The following DARS2 variants were observed in gnomAD, a reference collection of about 807,000 sequenced individuals.
DARS2 encodes aspartyl-tRNA synthetase 2, mitochondrial, also known as aspartate--tRNA ligase, mitochondrial.
Under a neutral mutation model 83.0 loss-of-function variants are expected in DARS2, and 63 were observed. The observed-to-expected ratio is 0.76, with a 90% CI of 0.62 to 0.94. The LOEUF (loss-of-function observed/expected upper bound fraction) is 0.94. DARS2 is among the 40% of genes least tolerant of loss of function. The pLI is 0.00. For synonymous variants in DARS2, 250 were observed against 269.3 expected (o/e 0.93, Z 0.70); for missense variants, 675 against 774.4 (o/e 0.87, Z 1.52).
At chr1:173,853,955 T>G (rs775478892) in intron 15 of DARS2, 50 bp downstream of exon 15, 5 of 1,511,218 alleles carry the variant, frequency 3.3e-6, no homozygotes, top group Non-Finnish European at 3.7e-6. Flanking sequence ...CCAGAATATT[T>G]TTCAGTTTTG....
Position 173,831,579 on chromosome 1 carries a change from G to A in DARS2, c.441G>A (p.Glu147=). 6.2e-7 allele frequency: 1 copy of A among 1,614,120 alleles called. No individual in the cohort carries two copies. Among genetic ancestry groups the A allele is most frequent in the Non-Finnish European group, 8.5e-7 (1 of 1,180,002 alleles). Residue 147 remains glutamate (E), a synonymous_variant, in exon 5 of 17, where the codon GAG becomes GAA. Transcript: ENST00000649689. ...TTGAAATCAAAGTTAAAACAGCTGA[G>A]CTTCTGAATGCCTGCAAGAAGCTGC... The part of the protein sequence containing the change: ...GEIEIKVKTA[E]LLNACKKLPF...
intron 11 of DARS2, among the ~76,000 whole-genome samples, 164 bp from the exon 12 acceptor site, chr1:173,845,065 G>C (rs1482786708): frequency 6.6e-6 from 1 of 152,000 alleles, no homozygotes; most frequent in Non-Finnish European, 1.5e-5. Context: ...AAAGTGCTGG[G>C]ATTACAGGCA....
chr1:173,825,408 T>C, intron 1 of DARS2, 52 bp downstream of exon 1: 1 of 1,579,268 alleles, frequency 6.3e-7, no homozygotes, highest in Non-Finnish European at 8.7e-7. Flanking sequence ...GCCTGTTATC[T>C]ACGGCCGGAG....
chr1:173,824,941 G>C lies in DARS2; in HGVS notation c.-289G>C, dbSNP rs1652411194. 1 of 368,320 alleles carries C rather than the reference G, an allele frequency of 2.7e-6. No homozygotes were observed. Among genetic ancestry groups the C allele is most frequent in the Non-Finnish European group, 5.3e-6 (1 of 190,272 alleles). The allele number at this position is 368,320 out of a possible 1,614,324, so 22.8% of individuals were successfully genotyped here. ...CGCTACGTGGAGTCGCTCTCTCGTC[G>C]TCACTTTTGGCTGCCGACTTGTTGA... is the stretch of plus-strand genomic sequence containing the variant. On this transcript the variant is annotated 5_prime_UTR_variant, in exon 1 of 17. Coordinates refer to ENST00000649689, the MANE Select transcript of DARS2 (RefSeq NM_018122.5).
intron 5 of DARS2, 57 bp from the exon 6 acceptor site, chr1:173,833,319 T>C: frequency 1.4e-6 from 2 of 1,468,600 alleles, no homozygotes; most frequent in South Asian, 2.7e-5. Flanking sequence ...TTTCTAAAGA[T>C]AATACCTTTC....
intron 1 of DARS2, among the ~76,000 whole-genome samples, 171 bp downstream of exon 1, chr1:173,825,527 G>A (rs1006690683): frequency 2.0e-5 from 3 of 151,136 alleles, no homozygotes; most frequent in African/African-American, 7.3e-5. Context: ...AGAGTGAAGT[G>A]GCGCGATCTC....
In DARS2 at chr1:173,837,014, T is replaced by G. The variant is rs761969653; in HGVS notation, c.738T>G (p.Phe246Leu). The G allele has an allele frequency of 1.1e-5, 18 of 1,613,936 alleles. No homozygotes were observed. In the South Asian group the frequency reaches 1.3e-4, roughly 12 times the overall value. Residue 246 changes from phenylalanine (F) to leucine (L), a missense_variant, in exon 8 of 17, where the codon TTT becomes TTG. Transcript: ENST00000649689. ...FYSLPQSPQQ[F>L]KQLLMVGGLD... ...CTCTCCCTCAGAGTCCTCAACAGTT[T>G]AAGCAACTTCTGATGGTTGGCGGTT...
At chr1:173,840,727 T>C (rs920905189) in intron 10 of DARS2, 139 bp from the exon 11 acceptor site, 4 of 656,238 alleles carry the variant, frequency 6.1e-6, no homozygotes, top group Non-Finnish European at 5.5e-6. Context: ...GCTTAACCCA[T>C]GGTAAACACT....
At chr1:173,841,677 T>G (rs1392975740) in intron 11 of DARS2, among the ~76,000 whole-genome samples, 1 of 152,108 alleles carries the variant, frequency 6.6e-6, no homozygotes, top group Non-Finnish European at 1.5e-5. Flanking sequence ...CTCACACCTG[T>G]AGTCCCAGCT....
At chr1:173,836,597 CTA>C (rs1275132352) in intron 7 of DARS2, among the ~76,000 whole-genome samples, 5 of 151,314 alleles carry the variant, frequency 3.3e-5, no homozygotes, top group African/African-American at 1.2e-4. Context: ...TTTATACAGT[CTA>C]TGAAATTATA....
At chr1:173,826,513 A>G (rs1652574038) in intron 1 of DARS2, among the ~76,000 whole-genome samples, 174 bp from the exon 2 acceptor site, 1 of 152,154 alleles carries the variant, frequency 6.6e-6, no homozygotes, top group African/African-American at 2.4e-5. Context: ...TTGCAGGTAA[A>G]TTTAATAGTG....
chr1:173,828,315 C>CA lies in DARS2; in HGVS notation c.228-18_228-17insA, dbSNP rs1179436056. ...ATTTTATCTTAAAATGTTTCTTTTC[C>CA]CCCCCCCCATTAATCAGGCAAAACA... On this transcript the variant is annotated splice_polypyrimidine_tract_variant and intron_variant, in intron 2 of 16. Transcript: ENST00000649689. 4.1e-6 allele frequency: 4 copies of CA among 981,342 alleles called. No individual in the cohort carries two copies. In the African/African-American group the frequency reaches 4.7e-5, roughly 12 times the overall value. 60.8% of individuals were successfully genotyped at this position (981,342 alleles called of 1,614,324 possible).
At position 173,826,805 on chromosome 1, in the gene DARS2, T is replaced by G. The variant is rs778765559; in HGVS notation, c.227+19T>G. On this transcript the variant is annotated intron_variant, in intron 2 of 16. Coordinates refer to ENST00000649689, the MANE Select transcript of DARS2 (RefSeq NM_018122.5). ...ACCGAAGGTAAATTGAGAAAGACAG[T>G]CTAAGAATGCATGGTGGTGGTTTTC... The G allele has an allele frequency of 1.1e-5, 17 of 1,541,182 alleles. No individual in the cohort carries two copies. The South Asian group carries it at 1.9e-4, about 17-fold the overall frequency.
intron 1 of DARS2, 23 bp downstream of exon 1, chr1:173,825,379 T>G (rs375208410): frequency 1.9e-6 from 3 of 1,609,634 alleles, no homozygotes; most frequent in Admixed American, 1.7e-5. Context: ...AAGAGATCTA[T>G]CCTATGAACA....
chr1:173,857,738 A>C lies in DARS2; in HGVS notation c.*33A>C, dbSNP rs755664477. On this transcript the variant is annotated 3_prime_UTR_variant, in exon 17 of 17. Transcript: ENST00000649689. ...ATACCATGCAGAAAGTTGAGCTTTT[A>C]GGTTTTGTCCTCTTTGCTTCCCCAA... The C allele has an allele frequency of 3.4e-5, 55 of 1,612,984 alleles. No homozygotes were observed. The highest frequency in any genetic ancestry group is 6.8e-6 in the Non-Finnish European group (8 of 1,179,160).
chr1:173,832,455 G>GCC (rs1481551658), intron 5 of DARS2, among the ~76,000 whole-genome samples: 1 of 152,124 alleles, frequency 6.6e-6, no homozygotes, highest in Non-Finnish European at 1.5e-5. Context: ...AAAGAGGGAT[G>GCC]CAGAGATTTG....
intron 9 of DARS2, 31 bp downstream of exon 9, chr1:173,838,290 A>G: frequency 1.3e-6 from 2 of 1,541,130 alleles, no homozygotes; most frequent in Non-Finnish European, 1.8e-6. Context: ...GTTTCTTAAA[A>G]TTCAGGCTTA....
chr1:173,854,932 G>C (rs1479185663), intron 15 of DARS2, among the ~76,000 whole-genome samples: 1 of 152,078 alleles, frequency 6.6e-6, no homozygotes, highest in Non-Finnish European at 1.5e-5. Flanking sequence ...AGAAGGCTTG[G>C]GTAGGTTTCA....
intron 5 of DARS2, among the ~76,000 whole-genome samples, chr1:173,831,954 T>A (rs1386467710): frequency 6.6e-6 from 1 of 152,184 alleles, no homozygotes; most frequent in African/African-American, 2.4e-5. Context: ...GAAATTTATG[T>A]CTAGCTTAGA....
Sources: gnomAD v4.1 joint callset for allele counts (sites outside exome capture counted in the v4.1 genomes callset) on GRCh38, gnomAD v4.1.1 for gene constraint, MANE v1.5 for transcripts, NCBI Gene and HGNC (gene_info 2026-07-23, HGNC 2026-07-21) for gene names.